The following CPVL variants were observed in gnomAD, a reference collection of about 807,000 sequenced individuals.
CPVL encodes the protein carboxypeptidase vitellogenic like.
CPVL carries 51 observed loss-of-function variants against 63.7 expected under a neutral mutation model. The ratio of observed to expected loss-of-function variants is 0.80; its 90% CI spans 0.64 to 1.01. The LOEUF (loss-of-function observed/expected upper bound fraction) is 1.01, where lower values mean the gene tolerates loss of function less well. CPVL is among the 50% of genes least tolerant of loss of function. The pLI, the probability that CPVL is intolerant of heterozygous loss-of-function variation, is 0.00. For missense variants in CPVL, 530 were observed against 573.1 expected (o/e 0.92, Z 0.77); for synonymous variants, 195 against 206.0 (o/e 0.95, Z 0.46).
At chr7:29,153,111 A>G (rs1435426191) in intron 5 of CPVL, among the ~76,000 whole-genome samples, 1 of 152,174 alleles carries the variant, frequency 6.6e-6, no homozygotes, top group Non-Finnish European at 1.5e-5. Context: ...ATAAACTCAA[A>G]TTGATTATCT....
chr7:29,113,998 T>G (rs1240442797), intron 2 of CPVL, among the ~76,000 whole-genome samples: 1 of 152,188 alleles, frequency 6.6e-6, no homozygotes, highest in Admixed American at 6.5e-5. Context: ...TCAGGAAGCT[T>G]GACTCCTCAC....
chr7:29,024,185 CAATG>C (rs1305313683), intron 12 of CPVL, among the ~76,000 whole-genome samples: 1 of 151,918 alleles, frequency 6.6e-6, no homozygotes, highest in Non-Finnish European at 1.5e-5. Flanking sequence ...CTGAAGAATT[CAATG>C]AATGAAACAA....
chr7:29,048,783 G>A (rs1337235365), intron 11 of CPVL, among the ~76,000 whole-genome samples: 1 of 152,036 alleles, frequency 6.6e-6, no homozygotes, highest in Non-Finnish European at 1.5e-5. Flanking sequence ...GCCACAAAAT[G>A]AGCCTCAATA....
chr7:29,018,633 C>T (rs996327009), intron 12 of CPVL, among the ~76,000 whole-genome samples: 1 of 152,118 alleles, frequency 6.6e-6, no homozygotes, highest in Admixed American at 6.5e-5. Flanking sequence ...CCCACCTTAG[C>T]CTCCCAAAGT....
intron 5 of CPVL, among the ~76,000 whole-genome samples, 179 bp downstream of exon 5, chr7:29,094,905 G>A (rs944126220): frequency 6.6e-6 from 1 of 151,610 alleles, no homozygotes; most frequent in African/African-American, 2.4e-5. Flanking sequence ...GCCAAACTCC[G>A]ATATGATTAT....
At chr7:29,093,943 C>T (rs1365933460) in intron 5 of CPVL, among the ~76,000 whole-genome samples, 1 of 152,216 alleles carries the variant, frequency 6.6e-6, no homozygotes, top group Non-Finnish European at 1.5e-5. Flanking sequence ...GAAGCTGACC[C>T]TAAGTTTCTC....
rs562247230 is a variant in CPVL, at chr7:29,118,659, C to A, written c.169+2234G>T. Among the ~76,000 whole-genome samples, 7 of 152,234 alleles carry A rather than the reference C, an allele frequency of 4.6e-5. No homozygotes were observed. The South Asian group carries it at 1.4e-3, about 32-fold the overall frequency. ...AATACAAGAATGTCTTCGTGTAAAA[C>A]GAAAACCAAAAAACAATGACATCCT... On this transcript the variant is annotated intron_variant, in intron 2 of 12. Transcript: ENST00000265394.
At chr7:29,128,749 C>T (rs1028283793) in intron 1 of CPVL, among the ~76,000 whole-genome samples, 15 of 150,398 alleles carry the variant, frequency 1.0e-4, no homozygotes, top group Non-Finnish European at 1.9e-4. Flanking sequence ...AAGAAAAAAA[C>T]TTTCTCTGCT....
At chr7:29,021,370 C>T (rs141723634) in intron 12 of CPVL, among the ~76,000 whole-genome samples, 63 of 152,196 alleles carry the variant, frequency 4.1e-4, no homozygotes, top group African/African-American at 1.3e-3. Context: ...GGCTGCCTGA[C>T]GCACCTGGCT....
At chr7:29,170,499 G>A (rs932360813) in intron 5 of CPVL, among the ~76,000 whole-genome samples, 15 of 152,096 alleles carry the variant, frequency 9.9e-5, no homozygotes, top group African/African-American at 3.1e-4. Context: ...ATCTGGGGAC[G>A]AATTTAAGTA....
intron 3 of CPVL, among the ~76,000 whole-genome samples, chr7:29,099,204 T>C (rs1168568522): frequency 6.6e-6 from 1 of 152,242 alleles, no homozygotes; most frequent in Non-Finnish European, 1.5e-5. Flanking sequence ...CTCCAAATAT[T>C]AGCTATTGCT....
intron 1 of CPVL, among the ~76,000 whole-genome samples, chr7:29,124,048 C>T (rs1029018176): frequency 6.6e-6 from 1 of 152,122 alleles, no homozygotes; most frequent in African/African-American, 2.4e-5. Context: ...TTTTACAGTT[C>T]TCATTCAACA....
chr7:29,090,395 G>C lies in CPVL; in HGVS notation c.542+2228C>G, dbSNP rs149844273. Among the ~76,000 whole-genome samples the C allele has an allele frequency of 3.4e-3, 516 of 152,314 alleles. 4 individuals are homozygous for C. The highest frequency in any genetic ancestry group is 0.012 in the African/African-American group (491 of 41,570). ...CACAGAGTTTTCTCATTTAATATAG[G>C]AAGCCTGCTTCCTAGCTGCATTGCT... On this transcript the variant is annotated intron_variant, in intron 6 of 12. Coordinates refer to ENST00000265394, the MANE Select transcript of CPVL (RefSeq NM_031311.5).
chr7:29,073,003 C>T (rs1347402313), intron 7 of CPVL, among the ~76,000 whole-genome samples: 5 of 152,200 alleles, frequency 3.3e-5, no homozygotes, highest in Non-Finnish European at 5.9e-5. Flanking sequence ...AACATGGTAA[C>T]GGTTCTACTT....
chr7:29,026,736 AC>A (rs1787532239), intron 12 of CPVL, among the ~76,000 whole-genome samples: 1 of 152,108 alleles, frequency 6.6e-6, no homozygotes, highest in Non-Finnish European at 1.5e-5. Flanking sequence ...AAACTGGAAA[AC>A]CTAGGGGAAT....
intron 12 of CPVL, among the ~76,000 whole-genome samples, chr7:29,025,937 G>A (rs915863889): frequency 7.9e-5 from 12 of 151,996 alleles, no homozygotes; most frequent in East Asian, 1.9e-4. Flanking sequence ...AGAAAGAAAC[G>A]TCAGATTTAA....
chr7:29,036,993 C>A (rs1185864871), intron 11 of CPVL, among the ~76,000 whole-genome samples: 3 of 152,198 alleles, frequency 2.0e-5, no homozygotes, highest in African/African-American at 7.2e-5. Flanking sequence ...TCTAAGTGCT[C>A]TTCCACATTG....
At chr7:29,122,828 A>G (rs1049491164) in intron 1 of CPVL, among the ~76,000 whole-genome samples, 1 of 152,154 alleles carries the variant, frequency 6.6e-6, no homozygotes, top group African/African-American at 2.4e-5. Flanking sequence ...TTACATTAAC[A>G]TATTACTAGT....
At chr7:29,145,585 CTT>C (rs757918202) in intron 1 of CPVL, among the ~76,000 whole-genome samples, 5 of 144,386 alleles carry the variant, frequency 3.5e-5, no homozygotes, top group Non-Finnish European at 6.0e-5. Context: ...TCACCATAGA[CTT>C]CATCATCAAT....
Sources: allele counts gnomAD v4.1 joint callset (sites outside exome capture counted in the v4.1 genomes callset), GRCh38; gene constraint gnomAD v4.1.1; transcripts MANE v1.5; gene names NCBI Gene and HGNC (gene_info 2026-07-23, HGNC 2026-07-21).